The following EML6 variants were observed in gnomAD, a reference collection of about 807,000 sequenced individuals.
EML6 encodes the protein EMAP like 6, also known as echinoderm microtubule-associated protein-like 6.
EML6 carries 154 observed loss-of-function variants against 240.1 expected under a neutral mutation model. The ratio of observed to expected loss-of-function variants is 0.64; its 90% confidence interval spans 0.56 to 0.73. The LOEUF (loss-of-function observed/expected upper bound fraction) is 0.73, where lower values mean the gene tolerates loss of function less well. Among genes scored for constraint, EML6 ranks in the 30% least tolerant of loss-of-function variants. The probability of loss-of-function intolerance (pLI) is 0.00; values close to 1 mark genes in which losing one functional copy is unlikely to be tolerated. For missense variants in EML6, 2,964 were observed against 2,474.6 expected, an observed-to-expected ratio of 1.20 and a Z score of -4.20; for synonymous variants, 1,148 against 899.0, an observed-to-expected ratio of 1.28 and a Z score of -4.95.
At chr2:54,938,865 T>C (rs1289583715) in intron 28 of EML6, among the ~76,000 whole-genome samples, 1 of 152,194 alleles carries the variant, frequency 6.6e-6, no homozygotes, top group Non-Finnish European at 1.5e-5. Flanking sequence ...TTGGTTTCCG[T>C]ATTATCTCAT....
At chr2:54,911,611 T>C (rs1429009165) in intron 25 of EML6, among the ~76,000 whole-genome samples, 1 of 151,890 alleles carries the variant, frequency 6.6e-6, no homozygotes, top group Non-Finnish European at 1.5e-5. Context: ...TTTATTTTAT[T>C]TTTTTAGTAG....
intron 2 of EML6, among the ~76,000 whole-genome samples, chr2:54,810,223 A>G (rs1162441107): frequency 2.0e-5 from 3 of 152,202 alleles, no homozygotes; most frequent in Non-Finnish European, 4.4e-5. Context: ...AAAAAATTGC[A>G]ATGTGAACTT....
intron 2 of EML6, among the ~76,000 whole-genome samples, chr2:54,732,535 G>A (rs1008450814): frequency 2.0e-5 from 3 of 152,074 alleles, no homozygotes; most frequent in Non-Finnish European, 4.4e-5. Flanking sequence ...TCCCAACATC[G>A]TTTGTTGAAA....
intron 26 of EML6, among the ~76,000 whole-genome samples, chr2:54,918,301 G>A (rs543522520): frequency 6.6e-6 from 1 of 152,034 alleles, no homozygotes; most frequent in Non-Finnish European, 1.5e-5. Flanking sequence ...GTCAACTCAA[G>A]GAACCTCCCC....
At chr2:54,886,964 G>A (rs748236379) in intron 17 of EML6, among the ~76,000 whole-genome samples, 6 of 152,020 alleles carry the variant, frequency 3.9e-5, no homozygotes, top group Non-Finnish European at 8.8e-5. Flanking sequence ...AAGCAATAGG[G>A]GTATATTATC....
chr2:54,740,396 C>T (rs541377881), intron 2 of EML6, among the ~76,000 whole-genome samples: 1 of 151,838 alleles, frequency 6.6e-6, no homozygotes. Context: ...AGAAGATGCT[C>T]AGCAGACTCA....
Position 54,816,307 on chromosome 2 carries a change from A to G in EML6, c.358-480A>G, listed in dbSNP as rs576043633. On this transcript the variant is annotated intron_variant, in intron 3 of 41. Transcript: ENST00000356458. ...ACTTAGATTATATTATCTTGTAGTC[A>G]CCTTAAATGTTTGTGAAATTATAGA... 3.3e-5 allele frequency among the ~76,000 whole-genome samples: 5 copies of G among 152,304 alleles called. No homozygotes were observed. In the South Asian group the frequency reaches 1.0e-3, roughly 32 times the overall value.
chr2:54,964,525 C>T (rs1676664400), intron 37 of EML6, 46 bp from the exon 38 acceptor site: 3 of 1,541,216 alleles, frequency 1.9e-6, no homozygotes, highest in Non-Finnish European at 2.6e-6. Flanking sequence ...TGACCAGCCC[C>T]AAACAGCCCT....
intron 17 of EML6, among the ~76,000 whole-genome samples, chr2:54,887,560 T>G (rs903612774): frequency 6.6e-6 from 1 of 152,214 alleles, no homozygotes; most frequent in African/African-American, 2.4e-5. Context: ...CTTTAAGATT[T>G]TTGTATTTAG....
intron 24 of EML6, among the ~76,000 whole-genome samples, chr2:54,903,903 G>T (rs991853963): frequency 2.0e-5 from 3 of 152,070 alleles, no homozygotes; most frequent in Non-Finnish European, 2.9e-5. Context: ...GCCCAAAAAG[G>T]CTCAAGCAAA....
chr2:54,776,723 C>G (rs927624660), intron 2 of EML6, among the ~76,000 whole-genome samples: 2 of 152,142 alleles, frequency 1.3e-5, no homozygotes, highest in African/African-American at 4.8e-5. Flanking sequence ...CCTCCCTCCC[C>G]TCCTGTGCCA....
chr2:54,835,035 C>T (rs757738443), intron 7 of EML6, among the ~76,000 whole-genome samples: 4 of 152,020 alleles, frequency 2.6e-5, no homozygotes, highest in Non-Finnish European at 4.4e-5. Context: ...CCTGGCTGCT[C>T]CTTCCCCTCG....
Position 54,894,921 on chromosome 2 carries a change from G to T in EML6, c.2749G>T (p.Val917Leu), listed in dbSNP as rs1171835974. ...CTCATGTGTGCCTTCACAGGGCTTTGTAACAGGTGGAAAGGACGGCATCGT... is the reference window on the plus strand; with the variant it reads ...CTCATGTGTGCCTTCACAGGGCTTTTTAACAGGTGGAAAGGACGGCATCGT... ...FAMYALDKGFVTGGKDGIVEL... is the reference protein window; with the variant it reads ...FAMYALDKGFLTGGKDGIVEL... The change falls in exon 20 of 42, where the codon GTA becomes TTA. Residue 917 changes from valine to leucine, a missense_variant. Val to Leu is a conservative substitution (Grantham distance 32). Transcript: ENST00000356458. 14 of 1,550,610 alleles carry T rather than the reference G, an allele frequency of 9.0e-6. No homozygotes were observed. Among genetic ancestry groups the T allele is most frequent in the Non-Finnish European group, 1.2e-5 (14 of 1,146,076 alleles).
At chr2:54,738,746 C>T (rs1683506937) in intron 2 of EML6, among the ~76,000 whole-genome samples, 1 of 152,142 alleles carries the variant, frequency 6.6e-6, no homozygotes, top group Admixed American at 6.5e-5. Flanking sequence ...ATTTTCAGTT[C>T]TGTATTTTTT....
rs1306054698 is a variant in EML6 at position 54,859,532 on chromosome 2, A to C, written c.1658-2A>C. ...TAATCCTCTCAAAAAATATTCTTTC[A>C]GGAGCCAAATTTAGAAAGTATGTGG... On this transcript the variant is annotated splice_acceptor_variant, in intron 11 of 41. Transcript: ENST00000356458. LOFTEE classifies it high-confidence loss of function. 1 of 1,548,398 alleles carries C rather than the reference A, an allele frequency of 6.5e-7. No homozygotes were observed. Among genetic ancestry groups the C allele is most frequent in the Non-Finnish European group, 8.7e-7 (1 of 1,146,044 alleles).
intron 3 of EML6, among the ~76,000 whole-genome samples, chr2:54,815,685 T>A (rs111665932): frequency 6.6e-6 from 1 of 152,180 alleles, no homozygotes; most frequent in East Asian, 1.9e-4. Flanking sequence ...TAAGGACACA[T>A]TAAAAAACCC....
At chr2:54,963,958 C>G in intron 36 of EML6, 28 bp from the exon 37 acceptor site, 1 of 1,535,700 alleles carries the variant, frequency 6.5e-7, no homozygotes, top group Non-Finnish European at 8.8e-7. Context: ...GCCAAGAGCT[C>G]AGGTGACTTT....
At position 54,743,687 on chromosome 2, in the gene EML6, G is replaced by A. The variant is rs1474516220; in HGVS notation, c.197+18429G>A. Among the ~76,000 whole-genome samples the A allele has an allele frequency of 2.0e-5, 3 of 151,998 alleles. No individual in the cohort carries two copies. The East Asian group carries it at 5.8e-4, about 29-fold the overall frequency. ...TGTAGTCTCTAAACTTTTTTTGATT[G>A]TATACCTCTCTTGGTAAAATACTCT... On this transcript the variant is annotated intron_variant, in intron 2 of 41. Transcript: ENST00000356458.
At chr2:54,959,722 A>G (rs1200188032) in intron 34 of EML6, among the ~76,000 whole-genome samples, 1 of 152,208 alleles carries the variant, frequency 6.6e-6, no homozygotes, top group Non-Finnish European at 1.5e-5. Flanking sequence ...AGATCATGTC[A>G]TTGCACTCCA....
Sources: allele counts gnomAD v4.1 joint callset (sites outside exome capture counted in the v4.1 genomes callset), GRCh38; gene constraint gnomAD v4.1.1; transcripts MANE v1.5; gene names NCBI Gene and HGNC (gene_info 2026-07-23, HGNC 2026-07-21).